PLCB2: variants seen among roughly 807,000 people sequenced by gnomAD.
The protein encoded by PLCB2 is phospholipase C beta 2.
A neutral mutation model predicts 141.7 loss-of-function variants in PLCB2; 115 were observed. The observed-to-expected ratio is 0.81, with a 90% CI of 0.70 to 0.95. PLCB2 has a LOEUF of 0.95. Among genes scored for constraint, PLCB2 ranks in the 40% least tolerant of loss-of-function variants. The probability of loss-of-function intolerance (pLI) is 0.00; values close to 1 mark genes in which losing one functional copy is unlikely to be tolerated. For missense variants in PLCB2, 1,403 were observed against 1,541.1 expected (o/e 0.91, Z 1.50); for synonymous variants, 603 against 595.6 (o/e 1.01, Z -0.18).
Position 40,288,570 on chromosome 15 carries a change from G to T in PLCB2, c.*145C>A. 1 of 1,384,896 alleles carries T rather than the reference G, an allele frequency of 7.2e-7. No individual in the cohort carries two copies. The highest frequency in any genetic ancestry group is 9.3e-7 in the Non-Finnish European group (1 of 1,069,952). The allele number at this position is 1,384,896 out of a possible 1,614,324, so 85.8% of individuals were successfully genotyped here. ...TCCTGTCTCAGACTCTGGCCTGGCC[G>T]TTGAGGAGGGGGCTGCAGCGTCCAA... On this transcript the variant is annotated 3_prime_UTR_variant, in exon 32 of 32. Transcript: ENST00000260402.
chr15:40,290,175 A>G (rs1295238475), intron 29 of PLCB2, 93 bp from the exon 30 acceptor site: 7 of 847,504 alleles, frequency 8.3e-6, no homozygotes, highest in Non-Finnish European at 1.0e-5. Flanking sequence ...CAAATGAGAA[A>G]TCCAACATAG....
Position 40,299,215 on chromosome 15 carries a change from T to C in PLCB2, c.596A>G (p.Asn199Ser). 2 of 1,612,772 alleles carry C rather than the reference T, an allele frequency of 1.2e-6. No individual in the cohort carries two copies. The highest frequency in any genetic ancestry group is 1.7e-4 in the Middle Eastern group (1 of 6,060). Residue 199 changes from asparagine (N) to serine (S), a missense_variant, in exon 8 of 32, where the codon AAT (asparagine) becomes AGT (serine). Around this residue, in one of 4 missense-constraint regions of PLCB2, gnomAD observed 975 missense variants for 1,141.1 expected, o/e 0.85. Transcript: ENST00000260402. ...HLPKGKNDAI[N>S]PEDFPEPVYK... ...GACAGGTTCTGGGAAGTCCTCAGGA[T>C]TGATGGCGTCATTCTAGGGGCATAG... is the stretch of plus-strand genomic sequence containing the variant.
Position 40,302,006 on chromosome 15 carries a change from C to T in PLCB2, c.533G>A (p.Arg178His), listed in dbSNP as rs376517913. Residue 178 changes from arginine to histidine, a missense_variant, in exon 7 of 32, where the codon CGC (arginine) becomes CAC (histidine). Arg to His is a conservative substitution (Grantham distance 29). This residue lies in a region of PLCB2 where 975 missense variants were observed against 1,141.1 expected (regional missense o/e 0.85). Transcript: ENST00000260402. ...ACTGAGAGCAGCTTCCACCCGCTTGCGGTCAGCAGGAAACATCTGGAAAAA... is the reference window on the plus strand; with the variant it reads ...ACTGAGAGCAGCTTCCACCCGCTTGTGGTCAGCAGGAAACATCTGGAAAAA... ...KNFFQMFPAD[R>H]KRVEAALSAC... 7.4e-6 allele frequency: 12 copies of T among 1,614,022 alleles called. No individual in the cohort carries two copies. Among genetic ancestry groups the T allele is most frequent in the Admixed American group, 3.3e-5 (2 of 60,002 alleles).
At chr15:40,289,204 G>T (rs2039714403) in intron 31 of PLCB2, 68 bp downstream of exon 31, 1 of 1,397,304 alleles carries the variant, frequency 7.2e-7, no homozygotes. Context: ...CAGCTCCCTG[G>T]GGCAAGGCCC....
Position 40,290,099 on chromosome 15 carries a change from A to T in PLCB2, c.3210-17T>A, listed in dbSNP as rs531312111. On this transcript the variant is annotated splice_polypyrimidine_tract_variant and intron_variant, in intron 29 of 31. Coordinates refer to ENST00000260402, the MANE Select transcript of PLCB2 (RefSeq NM_004573.3). The stretch of plus-strand genomic sequence containing the variant: ...CTCTTCAACCTGTTGGTGTAATTGG[A>T]GTTTTAGAAAAGGGAGAAAACCCCT... The T allele has an allele frequency of 4.5e-6, 7 of 1,569,538 alleles. No homozygotes were observed. Among genetic ancestry groups the T allele is most frequent in the Non-Finnish European group, 6.1e-6 (7 of 1,139,444 alleles).
intron 8 of PLCB2, 65 bp from the exon 9 acceptor site, chr15:40,299,029 T>C (rs1250000645): frequency 1.3e-6 from 2 of 1,584,800 alleles, no homozygotes; most frequent in African/African-American, 2.7e-5. Flanking sequence ...ACAACCCCCT[T>C]GTCCAGTGAA....
At position 40,288,309 on chromosome 15, in the gene PLCB2, C is replaced by T. The variant is rs2039662885; in HGVS notation, c.*406G>A. On this transcript the variant is annotated 3_prime_UTR_variant, in exon 32 of 32. Coordinates refer to ENST00000260402, the MANE Select transcript of PLCB2 (RefSeq NM_004573.3). The stretch of plus-strand genomic sequence containing the variant: ...CCTGGAAGCCTGGGGCAGGAGGGTT[C>T]GGGGCTAGAGTGGAGGTGAGTGGGT... The T allele has an allele frequency of 3.0e-6, 3 of 995,090 alleles. No homozygotes were observed. Among genetic ancestry groups the T allele is most frequent in the Non-Finnish European group, 3.6e-6 (3 of 836,766 alleles). 61.6% of individuals were successfully genotyped at this position (995,090 alleles called of 1,614,324 possible). A position where few individuals can be genotyped will look rare whatever the true frequency, so the allele number is the denominator to read the frequency against.
chr15:40,291,816 G>T, intron 24 of PLCB2, 33 bp downstream of exon 24: 1 of 1,613,858 alleles, frequency 6.2e-7, no homozygotes, highest in Non-Finnish European at 8.5e-7. Flanking sequence ...AGGTGGAGGT[G>T]CCCCCAGTAG....
intron 1 of PLCB2, among the ~76,000 whole-genome samples, chr15:40,307,043 A>G (rs2040832088): frequency 6.6e-6 from 1 of 152,242 alleles, no homozygotes; most frequent in African/African-American, 2.4e-5. Flanking sequence ...AGCAGAAGTC[A>G]AATCAGCTCC....
chr15:40,292,905 G>C, intron 21 of PLCB2, 21 bp downstream of exon 21: 1 of 1,506,154 alleles, frequency 6.6e-7, no homozygotes, highest in Non-Finnish European at 9.1e-7. Flanking sequence ...TCTTGGAACA[G>C]TGAAGGACCC....
chr15:40,304,094 G>T lies in PLCB2; in HGVS notation c.85-16C>A. 6 of 1,569,486 alleles carry T rather than the reference G, an allele frequency of 3.8e-6. No homozygotes were observed. Among genetic ancestry groups the T allele is most frequent in the Non-Finnish European group, 4.3e-6 (5 of 1,151,832 alleles). Reference sequence around the variant, plus strand: ...CTGTAGTTTCCTGCAGAGAGAAGGAGCCAGCACTCTGTTCCAAGACCTCAG... The same window carrying T: ...CTGTAGTTTCCTGCAGAGAGAAGGATCCAGCACTCTGTTCCAAGACCTCAG... On this transcript the variant is annotated splice_polypyrimidine_tract_variant and intron_variant, in intron 1 of 31. Coordinates refer to ENST00000260402, the MANE Select transcript of PLCB2 (RefSeq NM_004573.3).
At chr15:40,285,449 T>C, downstream of PLCB2, 1 of 808,054 alleles carries the variant, frequency 1.2e-6, no homozygotes, top group Non-Finnish European at 1.5e-6. Flanking sequence ...TTAGAAAGTG[T>C]CAGGGAAAGA....
chr15:40,288,094 G>T lies in PLCB2; in HGVS notation c.*621C>A. 1 of 985,508 alleles carries T rather than the reference G, an allele frequency of 1.0e-6. No homozygotes were observed. The highest frequency in any genetic ancestry group is 1.2e-6 in the Non-Finnish European group (1 of 829,946). The allele number at this position is 985,508 out of a possible 1,614,324, so 61.0% of individuals were successfully genotyped here. A position where few individuals can be genotyped will look rare whatever the true frequency, so the allele number is the denominator to read the frequency against. On this transcript the variant is annotated 3_prime_UTR_variant, in exon 32 of 32. Coordinates refer to ENST00000260402, the MANE Select transcript of PLCB2 (RefSeq NM_004573.3). ...GGTCAGGGTGGAACAGCACCCAAGA[G>T]CCCACTGCCCCTTGTGACTCAGCCA...
Position 40,292,166 on chromosome 15 carries a change from G to A in PLCB2, c.2432-8C>T. On this transcript the variant is annotated splice_region_variant and splice_polypyrimidine_tract_variant and intron_variant, in intron 22 of 31. Coordinates refer to ENST00000260402, the MANE Select transcript of PLCB2 (RefSeq NM_004573.3). ...CGAGGGCCACAGTGAGATCTGGGTG[G>A]GTGCACAGGACATTACAACATAGTG... The A allele has an allele frequency of 6.2e-7, 1 of 1,611,910 alleles. No homozygotes were observed. The highest frequency in any genetic ancestry group is 8.5e-7 in the Non-Finnish European group (1 of 1,178,042).
In PLCB2 at chr15:40,304,020, T is replaced by G. The variant is rs1440868350; in HGVS notation, c.143A>C (p.Tyr48Ser). 3.8e-6 allele frequency: 6 copies of G among 1,595,186 alleles called. No homozygotes were observed. The highest frequency in any genetic ancestry group is 5.1e-6 in the Non-Finnish European group (6 of 1,170,514). The change falls in exon 2 of 32, where the codon TAC becomes TCC. Residue 48 changes from tyrosine to serine, a missense_variant. Transcript: ENST00000260402. ...LRVDPKGYYL[Y>S]WTYQSKEMEF... ...TCTCACCTTACTTTGATACGTCCAG[T>G]ATAAGTAGTAGCCCTTAGGATCCAC...
intron 21 of PLCB2, among the ~76,000 whole-genome samples, chr15:40,292,723 G>A (rs1270121247): frequency 5.9e-5 from 9 of 152,156 alleles, no homozygotes; most frequent in East Asian, 1.9e-4. Context: ...TGCCCCAGCC[G>A]TTTCAGAAAA....
rs753473665 is a variant in PLCB2, at chr15:40,292,476, G to A, written c.2327-33C>T. 4.0e-6 allele frequency: 6 copies of A among 1,506,418 alleles called. No homozygotes were observed. In the East Asian group the frequency reaches 1.4e-4, roughly 34 times the overall value. The allele number at this position is 1,506,418 out of a possible 1,614,324, so 93.3% of individuals were successfully genotyped here. A position where few individuals can be genotyped will look rare whatever the true frequency, so the allele number is the denominator to read the frequency against. On this transcript the variant is annotated intron_variant, in intron 21 of 31. Coordinates refer to ENST00000260402, the MANE Select transcript of PLCB2 (RefSeq NM_004573.3). ...ACAGGACAGGGTAGGCAGTGAGCCA[G>A]AGCCCGTTCCTGCCAGCACTGTGCA...
At position 40,298,231 on chromosome 15, in the gene PLCB2, A is replaced by C; in HGVS notation, c.1147T>G (p.Phe383Val). The change falls in exon 11 of 32, where the codon TTC becomes GTC. Residue 383 changes from phenylalanine (F) to valine (V), a missense_variant. Physicochemically the swap from Phe to Val is conservative, Grantham distance 50 (BLOSUM62 -1). Coordinates refer to ENST00000260402, the MANE Select transcript of PLCB2 (RefSeq NM_004573.3). ...TGTGCCCAGGGTCTCACTTTGAAGAAGATGTCTGTGGTCATGGTGAAGCCA... is the reference window on the plus strand; with the variant it reads ...TGTGCCCAGGGTCTCACTTTGAAGACGATGTCTGTGGTCATGGTGAAGCCA... Reference protein sequence around the residue: ...THGFTMTTDIFFKEAIEAIAE... With the variant: ...THGFTMTTDIVFKEAIEAIAE... 6.4e-7 allele frequency: 1 copy of C among 1,554,048 alleles called. No homozygotes were observed. The highest frequency in any genetic ancestry group is 8.7e-7 in the Non-Finnish European group (1 of 1,147,754).
In PLCB2 at chr15:40,291,250, C is replaced by A. The variant is rs943277810; in HGVS notation, c.2870+15G>T. On this transcript the variant is annotated intron_variant, in intron 26 of 31. Coordinates refer to ENST00000260402, the MANE Select transcript of PLCB2 (RefSeq NM_004573.3). ...ACCCGCGCTGCAGAGGGCAGGGCAC[C>A]GCCACGAGCCTTACCTCTTCTTGCG... 1 of 1,572,436 alleles carries A rather than the reference C, an allele frequency of 6.4e-7. No homozygotes were observed. The highest frequency in any genetic ancestry group is 2.3e-5 in the East Asian group (1 of 43,584).
Sources: gnomAD v4.1 joint callset for allele counts (sites outside exome capture counted in the v4.1 genomes callset) on GRCh38, gnomAD v4.1.1 for gene constraint, gnomAD v4.1.1 regional missense constraint, MANE v1.5 for transcripts, NCBI Gene and HGNC (gene_info 2026-07-23, HGNC 2026-07-21) for gene names.